LRRC4C: variants seen among roughly 807,000 people sequenced by gnomAD.
LRRC4C encodes the protein leucine rich repeat containing 4C.
In LRRC4C, 5 loss-of-function variants were observed where a neutral mutation model predicts 33.6. That is an observed-to-expected ratio of 0.15 (90% CI 0.08 to 0.31). The LOEUF (loss-of-function observed/expected upper bound fraction) is 0.31, where lower values mean the gene tolerates loss of function less well. Among genes scored for constraint, LRRC4C ranks in the 10% least tolerant of loss-of-function variants. The probability of loss-of-function intolerance (pLI) is 1.00; values close to 1 mark genes in which losing one functional copy is unlikely to be tolerated. For synonymous variants in LRRC4C, 329 were observed against 302.0 expected, an observed-to-expected ratio of 1.09 and a Z score of -0.93; for missense variants, 560 against 796.7, an observed-to-expected ratio of 0.70 and a Z score of 3.58.
chr11:40,375,550 A>T (rs932513163), intron 3 of LRRC4C, among the ~76,000 whole-genome samples: 1 of 152,180 alleles, frequency 6.6e-6, no homozygotes, highest in Non-Finnish European at 1.5e-5. Context: ...ATTTTGTGGC[A>T]TACCACCAGG....
intron 4 of LRRC4C, among the ~76,000 whole-genome samples, chr11:40,317,337 G>A (rs1375969215): frequency 6.6e-6 from 1 of 151,906 alleles, no homozygotes; most frequent in Non-Finnish European, 1.5e-5. Flanking sequence ...TTTCATCACA[G>A]TATTTTAATT....
chr11:40,774,082 A>T (rs1169579690), intron 2 of LRRC4C, among the ~76,000 whole-genome samples: 1 of 152,060 alleles, frequency 6.6e-6, no homozygotes, highest in Non-Finnish European at 1.5e-5. Context: ...CTTTTTAAAT[A>T]TTTTCTATAA....
intron 5 of LRRC4C, among the ~76,000 whole-genome samples, chr11:40,154,626 T>C (rs1394527595): frequency 5.3e-5 from 8 of 152,264 alleles, no homozygotes; most frequent in Middle Eastern, 3.4e-3. Flanking sequence ...TATGTAATGG[T>C]AAAAGGCCTT....
intron 1 of LRRC4C, among the ~76,000 whole-genome samples, chr11:41,104,569 C>G (rs1331113123): frequency 6.6e-6 from 1 of 151,810 alleles, no homozygotes; most frequent in Non-Finnish European, 1.5e-5. Context: ...TCTTAAAATG[C>G]TAAATGTGGA....
At chr11:40,832,724 A>C (rs1952475999) in intron 2 of LRRC4C, among the ~76,000 whole-genome samples, 1 of 152,196 alleles carries the variant, frequency 6.6e-6, no homozygotes, top group Non-Finnish European at 1.5e-5. Context: ...AAATATCTTC[A>C]GAACTTTACA....
At chr11:41,456,138 ATCT>A (rs34943220) in intron 1 of LRRC4C, among the ~76,000 whole-genome samples, 15,949 of 152,164 alleles carry the variant, frequency 0.1, 1,132 homozygotes, top group Non-Finnish European at 0.15. Flanking sequence ...CAGAGAGTGT[ATCT>A]TCTTCTTCCA....
chr11:41,381,651 G>A (rs958696476), intron 1 of LRRC4C, among the ~76,000 whole-genome samples: 8 of 147,646 alleles, frequency 5.4e-5, no homozygotes, highest in Admixed American at 1.3e-4. Flanking sequence ...AAAAAAGAAA[G>A]ATGGAAAAAA....
chr11:40,733,597 G>A (rs529886578), intron 2 of LRRC4C, among the ~76,000 whole-genome samples: 1 of 152,184 alleles, frequency 6.6e-6, no homozygotes, highest in African/African-American at 2.4e-5. Context: ...TCTTTCATAA[G>A]GCTAATAGTT....
chr11:41,022,142 TTATA>T lies in LRRC4C; in HGVS notation c.-495-88423_-495-88420del, dbSNP rs142909883. 2.4e-4 allele frequency among the ~76,000 whole-genome samples: 33 copies of T among 139,062 alleles called. 1 individual carries two copies. Among genetic ancestry groups the T allele is most frequent in the East Asian group, 6.3e-4 (3 of 4,768 alleles). 91.2% of individuals were successfully genotyped at this position (139,062 alleles called of 152,430 possible). ...AATTTTATGAGCTTACAATTTTGTT[TTATA>T]TATATATATATATATATATGTATAT... On this transcript the variant is annotated intron_variant, in intron 1 of 6. Coordinates refer to ENST00000528697, the MANE Select transcript of LRRC4C (RefSeq NM_001258419.2).
At chr11:40,645,097 T>G (rs1942366884) in intron 3 of LRRC4C, among the ~76,000 whole-genome samples, 1 of 152,206 alleles carries the variant, frequency 6.6e-6, no homozygotes, top group Admixed American at 6.5e-5. Context: ...TTTTAAGGAA[T>G]ACCATTCAGT....
At chr11:40,355,675 A>G (rs573639042) in intron 3 of LRRC4C, among the ~76,000 whole-genome samples, 14 of 152,250 alleles carry the variant, frequency 9.2e-5, no homozygotes, top group African/African-American at 3.4e-4. Context: ...TCTCTGCACC[A>G]TGCTGTGCTG....
intron 3 of LRRC4C, among the ~76,000 whole-genome samples, chr11:40,636,096 T>C (rs745423632): frequency 2.6e-5 from 4 of 152,054 alleles, no homozygotes; most frequent in Non-Finnish European, 4.4e-5. Flanking sequence ...TCTCGGACAT[T>C]GGGACAACTA....
At chr11:40,969,127 T>C (rs1851548668) in intron 1 of LRRC4C, among the ~76,000 whole-genome samples, 1 of 152,146 alleles carries the variant, frequency 6.6e-6, no homozygotes, top group Non-Finnish European at 1.5e-5. Context: ...TCAACCATCA[T>C]GGATGACTTT....
intron 1 of LRRC4C, among the ~76,000 whole-genome samples, chr11:41,237,630 C>T (rs729210): frequency 0.2 from 30,089 of 151,964 alleles, 3,815 homozygotes; most frequent in East Asian, 0.46. Flanking sequence ...ACAGAGAACA[C>T]CTTCCTGCAA....
chr11:40,352,522 C>T (rs1947459079), intron 3 of LRRC4C, among the ~76,000 whole-genome samples: 2 of 151,998 alleles, frequency 1.3e-5, no homozygotes, highest in African/African-American at 4.8e-5. Flanking sequence ...AGGTTAGTTA[C>T]ATATGTATAT....
chr11:40,304,482 G>GTT lies in LRRC4C; in HGVS notation c.-176+15144_-176+15145dup, dbSNP rs1944930789. On this transcript the variant is annotated intron_variant, in intron 4 of 6. Coordinates refer to ENST00000528697, the MANE Select transcript of LRRC4C (RefSeq NM_001258419.2). Reference sequence around the variant, plus strand: ...AATGAAGCTACTGAAAGAGTTTGGGGTTTTGCTCACTCTCTTTTATTCAAA... The same window carrying GTT: ...AATGAAGCTACTGAAAGAGTTTGGGGTTTTTTGCTCACTCTCTTTTATTCAAA... Among the ~76,000 whole-genome samples, 6 of 152,244 alleles carry GTT rather than the reference G, an allele frequency of 3.9e-5. No individual in the cohort carries two copies. In the South Asian group the frequency reaches 1.2e-3, roughly 32 times the overall value.
At position 40,231,066 on chromosome 11, in the gene LRRC4C, C is replaced by T. The variant is rs188720493; in HGVS notation, c.-96+10453G>A. On this transcript the variant is annotated intron_variant, in intron 5 of 6. Transcript: ENST00000528697. ...AAATAACAAGGAATGAATGAGTACA[C>T]GTGGAGTCAGAACTTCATGGCTGGG... Among the ~76,000 whole-genome samples, 712 of 152,196 alleles carry T rather than the reference C, an allele frequency of 4.7e-3. 8 individuals are homozygous for T. Among genetic ancestry groups the T allele is most frequent in the Non-Finnish European group, 8.2e-3 (556 of 68,024 alleles).
chr11:40,695,545 G>A (rs1945458203), intron 2 of LRRC4C, among the ~76,000 whole-genome samples: 1 of 152,102 alleles, frequency 6.6e-6, no homozygotes, highest in Admixed American at 6.6e-5. Context: ...ACAACACAAA[G>A]TTATTATCTT....
At chr11:40,620,858 T>C (rs1962382017) in intron 3 of LRRC4C, among the ~76,000 whole-genome samples, 1 of 151,838 alleles carries the variant, frequency 6.6e-6, no homozygotes, top group Non-Finnish European at 1.5e-5. Context: ...ATCTTTGCAC[T>C]GTAAATGTAT....
Sources: allele counts gnomAD v4.1 joint callset (sites outside exome capture counted in the v4.1 genomes callset), GRCh38; gene constraint gnomAD v4.1.1; transcripts MANE v1.5; gene names NCBI Gene and HGNC (gene_info 2026-07-23, HGNC 2026-07-21).